Variants in DAPK2 observed in about 807,000 individuals in gnomAD.
DAPK2 encodes the protein death-associated protein kinase 2.
DAPK2 carries 35 observed loss-of-function variants against 44.1 expected under a neutral mutation model. The observed-to-expected ratio is 0.79, with a 90% confidence interval of 0.61 to 1.05. DAPK2 has a LOEUF of 1.05. Ranked by LOEUF, DAPK2 falls within the 50% of genes least tolerant of loss-of-function variation. The pLI, the probability that DAPK2 is intolerant of heterozygous loss-of-function variation, is 0.00. For missense variants in DAPK2, 453 were observed against 483.2 expected (o/e 0.94, Z 0.59); for synonymous variants, 174 against 182.6 (o/e 0.95, Z 0.38).
At chr15:63,948,936 T>C (rs2077519798) in intron 3 of DAPK2, among the ~76,000 whole-genome samples, 1 of 152,128 alleles carries the variant, frequency 6.6e-6, no homozygotes. Context: ...CCTCAGCTAA[T>C]AGGTAATGGA....
rs573404934 is a variant in DAPK2 at position 63,971,467 on chromosome 15, C to G, written c.409G>C (p.Val137Leu). 6.8e-6 allele frequency: 11 copies of G among 1,614,220 alleles called. No homozygotes were observed. The Admixed American group carries it at 8.3e-5, about 12-fold the overall frequency. Residue 137 changes from valine (V) to leucine (L), a missense_variant, in exon 3 of 11, where the codon GTG becomes CTG. Coordinates refer to ENST00000261891, the Ensembl canonical transcript of DAPK2. ...ATTTTCTTTGTGTGAAGGTAGTTCA[C>G]CCCATCCAGGATCTGCTTAATGAAG...
At chr15:63,987,481 G>A (rs1269242947) in intron 1 of DAPK2, among the ~76,000 whole-genome samples, 3 of 152,146 alleles carry the variant, frequency 2.0e-5, no homozygotes, top group African/African-American at 7.2e-5. Flanking sequence ...CTGGAATCTG[G>A]TATACATATG....
intron 1 of DAPK2, among the ~76,000 whole-genome samples, chr15:64,019,953 T>C (rs1443665076): frequency 6.6e-6 from 1 of 152,170 alleles, no homozygotes; most frequent in Non-Finnish European, 1.5e-5. Context: ...ACAGAGTCAA[T>C]ATTTACTAGC....
chr15:64,010,259 T>C (rs2079354369), intron 1 of DAPK2, among the ~76,000 whole-genome samples: 1 of 152,224 alleles, frequency 6.6e-6, no homozygotes, highest in Non-Finnish European at 1.5e-5. Context: ...CCACGAGTTC[T>C]CACGCAACAG....
chr15:63,911,977 G>A (rs778087236), exon 10 of DAPK2: 7 of 1,613,948 alleles, frequency 4.3e-6, no homozygotes, highest in South Asian at 1.1e-5. Context: ...ACAGGGACAC[G>A]ATGCTGAAGG....
At chr15:63,986,285 G>A (rs540193629) in intron 1 of DAPK2, among the ~76,000 whole-genome samples, 12 of 152,382 alleles carry the variant, frequency 7.9e-5, no homozygotes, top group African/African-American at 2.9e-4. Flanking sequence ...TTCCCTGCTA[G>A]AGAATTGTGA....
At chr15:63,983,598 G>A (rs1202269017) in exon 2 of DAPK2, 2 of 1,614,224 alleles carry the variant, frequency 1.2e-6, no homozygotes, top group Non-Finnish European at 8.5e-7. Context: ...TGACATTGTG[G>A]TGCAGCACCT....
rs140926398 is a variant in DAPK2 at position 63,943,519 on chromosome 15, T to A, written c.454-4158A>T. 1.7e-4 allele frequency among the ~76,000 whole-genome samples: 26 copies of A among 152,280 alleles called. 1 individual carries two copies. In the East Asian group the frequency reaches 4.8e-3, roughly 28 times the overall value. On this transcript the variant is annotated intron_variant, in intron 3 of 10. Transcript: ENST00000261891. ...CCTTTATCTCTCAGGCCCCAAAGTT[T>A]GTGCTCCTAACCGCTAGACTAAATG...
At chr15:63,997,139 C>T (rs1002173693) in intron 1 of DAPK2, among the ~76,000 whole-genome samples, 1 of 152,182 alleles carries the variant, frequency 6.6e-6, no homozygotes, top group Admixed American at 6.5e-5. Flanking sequence ...TCATCACCAC[C>T]CCCAATTAGC....
chr15:64,004,761 G>A lies in DAPK2; in HGVS notation c.93-21007C>T, dbSNP rs1055635028. Among the ~76,000 whole-genome samples the A allele has an allele frequency of 5.9e-5, 9 of 152,220 alleles. No homozygotes were observed. In the East Asian group the frequency reaches 1.2e-3, roughly 20 times the overall value. ...GCACACATACAAAAGCACTAAGCAC[G>A]TGCAGCACCGCTCCTGAGTCATCCA... is the stretch of plus-strand genomic sequence containing the variant. On this transcript the variant is annotated intron_variant, in intron 1 of 10. Coordinates refer to ENST00000261891, the Ensembl canonical transcript of DAPK2.
intron 8 of DAPK2, chr15:63,922,156 AATG>A: frequency 3.3e-6 from 1 of 298,556 alleles, no homozygotes; most frequent in Non-Finnish European, 4.9e-6. Flanking sequence ...TAATAATAAT[AATG>A]CCACCCACCT....
intron 1 of DAPK2, among the ~76,000 whole-genome samples, chr15:63,984,995 A>G (rs1201515869): frequency 2.0e-5 from 3 of 152,228 alleles, no homozygotes; most frequent in African/African-American, 7.2e-5. Flanking sequence ...GTAGCATTCT[A>G]TGGCAGCCAC....
Position 63,926,028 on chromosome 15 carries a change from A to G in DAPK2, c.725T>C (p.Val242Ala), listed in dbSNP as rs746683156. The G allele has an allele frequency of 1.9e-6, 3 of 1,614,108 alleles. No homozygotes were observed. In the South Asian group the frequency reaches 3.3e-5, roughly 18 times the overall value. The stretch of plus-strand genomic sequence containing the variant: ...GAATTCCTCATCAAAGTCGTAACTC[A>G]CTGCTGTGATATTTGCCAGTGTTTC... The change falls in exon 7 of 11, where the codon GTG becomes GCG. Residue 242 changes from valine to alanine, a missense_variant. By Grantham distance (64) the Val-to-Ala change is moderately conservative. Transcript: ENST00000261891.
chr15:63,962,367 C>T (rs1402562783), intron 3 of DAPK2, among the ~76,000 whole-genome samples: 7 of 152,268 alleles, frequency 4.6e-5, no homozygotes, highest in Admixed American at 2.0e-4. Context: ...AGTCATTCTC[C>T]GTCCAGCTTT....
chr15:64,037,288 T>G (rs1169799822), intron 1 of DAPK2, among the ~76,000 whole-genome samples: 1 of 152,168 alleles, frequency 6.6e-6, no homozygotes, highest in African/African-American at 2.4e-5. Context: ...TCCCAGGCAC[T>G]TCCCCACTTC....
chr15:63,951,565 G>A (rs1002863165), intron 3 of DAPK2, among the ~76,000 whole-genome samples: 4 of 152,124 alleles, frequency 2.6e-5, no homozygotes, highest in African/African-American at 4.8e-5. Flanking sequence ...CCTTGGCAGC[G>A]AGCATTTGTT....
intron 6 of DAPK2, chr15:63,926,300 A>C: frequency 2.0e-6 from 1 of 500,856 alleles, no homozygotes. Context: ...TAAGCACCCG[A>C]CAGAGAGAAA....
At chr15:63,991,977 C>T (rs2078832956) in intron 1 of DAPK2, among the ~76,000 whole-genome samples, 1 of 152,164 alleles carries the variant, frequency 6.6e-6, no homozygotes, top group Non-Finnish European at 1.5e-5. Context: ...GTTTCATTCC[C>T]AGGTCCTACA....
At chr15:63,922,846 A>C in intron 8 of DAPK2, 2 of 1,535,628 alleles carry the variant, frequency 1.3e-6, no homozygotes, top group Non-Finnish European at 1.7e-6. Flanking sequence ...CAGAGCTCCC[A>C]CTCTCCAGCT....
Sources: gnomAD v4.1 joint callset for allele counts (sites outside exome capture counted in the v4.1 genomes callset) on GRCh38, gnomAD v4.1.1 for gene constraint, MANE v1.5 for transcripts, NCBI Gene and HGNC (gene_info 2026-07-23, HGNC 2026-07-21) for gene names.